MACF1: variants seen among roughly 807,000 people sequenced by gnomAD.
The protein encoded by MACF1 is microtubule-actin cross-linking factor 1.
In MACF1, 193 loss-of-function variants were observed where a neutral mutation model predicts 854.8. That is an observed-to-expected ratio of 0.23 (90% CI 0.20 to 0.25). The LOEUF is 0.25. Among genes scored for constraint, MACF1 ranks in the 10% least tolerant of loss-of-function variants. MACF1 has a pLI of 1.00. For synonymous variants in MACF1, 3,185 were observed against 3,226.7 expected (o/e 0.99, Z 0.44); for missense variants, 7,722 against 8,929.1 (o/e 0.86, Z 5.45).
chr1:39,213,306 A>C (rs1344783649), intron 1 of MACF1, among the ~76,000 whole-genome samples: 1 of 151,474 alleles, frequency 6.6e-6, no homozygotes, highest in Non-Finnish European at 1.5e-5. Context: ...ATGGAGACAA[A>C]AGAGTCCCTA....
chr1:39,266,408 CTTACTATAG>C (rs1294948821), intron 6 of MACF1, among the ~76,000 whole-genome samples: 1 of 152,080 alleles, frequency 6.6e-6, no homozygotes, highest in Non-Finnish European at 1.5e-5. Context: ...CTGCTTATTT[CTTACTATAG>C]TTTGTGATGG....
chr1:39,447,948 T>G (rs368741677), intron 82 of MACF1, 50 bp downstream of exon 82: 291 of 1,611,354 alleles, frequency 1.8e-4, no homozygotes, highest in Non-Finnish European at 2.4e-4. Context: ...TTGGGCTGCA[T>G]GTATTGAGTC....
intron 2 of MACF1, among the ~76,000 whole-genome samples, chr1:39,182,984 C>T (rs1215436374): frequency 6.6e-6 from 1 of 152,172 alleles, no homozygotes; most frequent in Non-Finnish European, 1.5e-5. Context: ...TGGATAAACA[C>T]ACTGTGGCAT....
At chr1:39,178,565 G>T (rs1169047250) in intron 2 of MACF1, among the ~76,000 whole-genome samples, 1 of 152,178 alleles carries the variant, frequency 6.6e-6, no homozygotes, top group Non-Finnish European at 1.5e-5. Flanking sequence ...GATTCTTAAG[G>T]CATGCGGGTC....
chr1:39,201,948 T>C (rs1370343840), upstream of MACF1, among the ~76,000 whole-genome samples: 1 of 142,664 alleles, frequency 7.0e-6, no homozygotes, highest in Non-Finnish European at 1.5e-5. Context: ...ACTTGTTTGC[T>C]CATATTCTTT....
rs368717141 is a variant in MACF1, at chr1:39,434,481, G to T, written c.17633G>T (p.Arg5878Leu). 6.2e-7 allele frequency: 1 copy of T among 1,608,888 alleles called. No homozygotes were observed. The highest frequency in any genetic ancestry group is 1.7e-5 in the Admixed American group (1 of 59,508). The change falls in exon 69 of 101, where the codon CGC (arginine) becomes CTC (leucine). Residue 5878 changes from arginine to leucine, a missense_variant. This residue lies in a region of MACF1 where 2,807 missense variants were observed against 3,235.8 expected (regional missense o/e 0.87). Transcript: ENST00000564288. Reference sequence around the variant, plus strand: ...CTACTCAATTCAGAGCGTTATGCCCGCCTAGAGCGGGCCCAGGTCTTAGTA... The same window carrying T: ...CTACTCAATTCAGAGCGTTATGCCCTCCTAGAGCGGGCCCAGGTCTTAGTA... ...ISLLNSERYA[R>L]LERAQVLVNQ...
At chr1:39,171,187 A>AT (rs1643943090) in intron 2 of MACF1, among the ~76,000 whole-genome samples, 1 of 144,816 alleles carries the variant, frequency 6.9e-6, no homozygotes, top group Admixed American at 7.1e-5. Flanking sequence ...CTTTTACATA[A>AT]TTGTAATCTT....
chr1:39,306,656 T>G (rs867202149), intron 23 of MACF1, among the ~76,000 whole-genome samples: 62 of 148,916 alleles, frequency 4.2e-4, no homozygotes, highest in African/African-American at 1.3e-3. Context: ...TAGGCCTGAT[T>G]CAGTCAGTAC....
chr1:39,445,336 T>A (rs1288168927), intron 80 of MACF1, among the ~76,000 whole-genome samples: 3 of 152,216 alleles, frequency 2.0e-5, no homozygotes, highest in African/African-American at 7.2e-5. Flanking sequence ...TGACTAGGGA[T>A]CAAGGTGTTT....
intron 55 of MACF1, 81 bp downstream of exon 55, chr1:39,380,454 A>G (rs1180849485): frequency 9.5e-6 from 13 of 1,369,640 alleles, no homozygotes; most frequent in African/African-American, 1.5e-5. Context: ...CATCCTATAA[A>G]ACAGGAATTA....
At chr1:39,294,143 G>C (rs1368227910) in intron 18 of MACF1, among the ~76,000 whole-genome samples, 1 of 152,092 alleles carries the variant, frequency 6.6e-6, no homozygotes, top group Non-Finnish European at 1.5e-5. Context: ...GATATACTCT[G>C]GACTTTCCAC....
chr1:39,325,509 A>G (rs945949466), intron 35 of MACF1, among the ~76,000 whole-genome samples: 2 of 152,224 alleles, frequency 1.3e-5, no homozygotes, highest in African/African-American at 4.8e-5. Context: ...AATGAAATAT[A>G]TGGTCAAGAA....
rs371796654 is a variant in MACF1, at chr1:39,352,273, A to T, written c.11200-734A>T. On this transcript the variant is annotated intron_variant, in intron 43 of 100. Transcript: ENST00000564288. Reference sequence around the variant, plus strand: ...ATTTCAGAGGCAAGTTGAAGAATTAAATGTTTCCCTGTAGCCTCAGGTGAG... The same window carrying T: ...ATTTCAGAGGCAAGTTGAAGAATTATATGTTTCCCTGTAGCCTCAGGTGAG... Among the ~76,000 whole-genome samples, 10 of 152,344 alleles carry T rather than the reference A, an allele frequency of 6.6e-5. No homozygotes were observed. The East Asian group carries it at 1.7e-3, about 26-fold the overall frequency.
At chr1:39,474,916 G>A (rs60295854) in intron 97 of MACF1, among the ~76,000 whole-genome samples, 9,133 of 152,204 alleles carry the variant, frequency 0.06, 697 homozygotes, top group African/African-American at 0.18. Flanking sequence ...AAGTTCATAT[G>A]AACAGAAGTG....
Position 39,427,464 on chromosome 1 carries a change from G to A in MACF1, c.16326G>A (p.Gln5442=). 6.8e-6 allele frequency: 11 copies of A among 1,613,636 alleles called. No homozygotes were observed. The highest frequency in any genetic ancestry group is 9.3e-6 in the Non-Finnish European group (11 of 1,179,864). ...CTATATATTTGTGTAGGCAAAAACA[G>A]CTGGAAGACATCCTGGTTCTGGCCA... The part of the protein sequence containing the change: ...LLSKAAARQK[Q]LEDILVLAKQ... Residue 5442 remains glutamine, a synonymous_variant, in exon 62 of 101, where the codon CAG becomes CAA. Transcript: ENST00000564288.
intron 55 of MACF1, 36 bp from the exon 56 acceptor site, chr1:39,381,917 T>G (rs1191036721): frequency 6.8e-7 from 1 of 1,477,752 alleles, no homozygotes; most frequent in South Asian, 1.1e-5. Context: ...TTGTTGATAA[T>G]GTAAAGGAAT....
chr1:39,387,970 C>CCTA lies in MACF1; in HGVS notation c.15130_15131insACT (p.Ala5043_Cys5044insTyr), dbSNP rs1416185594. 6.2e-7 allele frequency: 1 copy of CCTA among 1,613,888 alleles called. No individual in the cohort carries two copies. The highest frequency in any genetic ancestry group is 1.7e-5 in the Admixed American group (1 of 59,996). ...ATCTTTGATGCTCTGGGTTCTCAAG[C>CCTA]CTGTAGCAACAAGAACCTGGAGAAG... is the stretch of plus-strand genomic sequence containing the variant. On this transcript the variant is annotated inframe_insertion, in exon 58 of 101. Coordinates refer to ENST00000564288, the MANE Select transcript of MACF1 (RefSeq NM_001394062.1).
At chr1:39,214,691 C>T (rs773314225) in intron 1 of MACF1, among the ~76,000 whole-genome samples, 9 of 152,208 alleles carry the variant, frequency 5.9e-5, no homozygotes, top group South Asian at 2.1e-4. Flanking sequence ...TGACTCTTCC[C>T]TTTTGGCAGC....
chr1:39,336,594 A>G lies in MACF1; in HGVS notation c.10006A>G (p.Thr3336Ala). ...TGGCAGTGAACAAACTCCCTTCATGACTGCACCTGAAGGAAAGGGAAATGG... is the reference window on the plus strand; with the variant it reads ...TGGCAGTGAACAAACTCCCTTCATGGCTGCACCTGAAGGAAAGGGAAATGG... ...SPGSEQTPFM[T>A]APEGKGNGGV... The change falls in exon 37 of 101, where the codon ACT (threonine) becomes GCT (alanine). Residue 3336 changes from threonine to alanine, a missense_variant. By Grantham distance (58) the Thr-to-Ala change is moderately conservative. This residue lies in a region of MACF1 where 854 missense variants were observed against 852.6 expected (regional missense o/e 1.00). Transcript: ENST00000564288. The G allele has an allele frequency of 6.2e-7, 1 of 1,613,990 alleles. No homozygotes were observed. The highest frequency in any genetic ancestry group is 8.5e-7 in the Non-Finnish European group (1 of 1,179,956).
Sources: allele counts gnomAD v4.1 joint callset (sites outside exome capture counted in the v4.1 genomes callset), GRCh38; gene constraint gnomAD v4.1.1; regional missense constraint gnomAD v4.1.1; transcripts MANE v1.5; gene names NCBI Gene and HGNC (gene_info 2026-07-23, HGNC 2026-07-21).